SLC39A8: variants seen among roughly 807,000 people sequenced by gnomAD.
The protein encoded by SLC39A8 is metal cation symporter ZIP8.
Under a neutral mutation model 40.4 loss-of-function variants are expected in SLC39A8, and 15 were observed. The observed-to-expected ratio is 0.37, with a 90% CI of 0.25 to 0.57. SLC39A8 has a LOEUF of 0.57. Among genes scored for constraint, SLC39A8 ranks in the 20% least tolerant of loss-of-function variants. SLC39A8 has a pLI of 0.75. For missense variants in SLC39A8, 472 were observed against 558.8 expected (o/e 0.84, Z 1.57); for synonymous variants, 223 against 221.6 (o/e 1.01, Z -0.06).
At position 102,335,885 on chromosome 4, in the gene SLC39A8, T is replaced by C. The variant is rs1735644606; in HGVS notation, c.219+8559A>G. 2.6e-5 allele frequency among the ~76,000 whole-genome samples: 4 copies of C among 152,192 alleles called. No individual in the cohort carries two copies. The South Asian group carries it at 8.3e-4, about 31-fold the overall frequency. On this transcript the variant is annotated intron_variant, in intron 2 of 8. Coordinates refer to ENST00000356736, the MANE Select transcript of SLC39A8 (RefSeq NM_001135146.2). ...ACTGATCTTTTTTTTCATTAATTCT[T>C]GCTGTCTTTTCATGGCTGTGCTTTC...
chr4:102,282,506 G>T (rs1732937846), intron 6 of SLC39A8, among the ~76,000 whole-genome samples: 1 of 152,148 alleles, frequency 6.6e-6, no homozygotes, highest in Non-Finnish European at 1.5e-5. Context: ...TAGCTACTGA[G>T]AGTTGAAGAA....
chr4:102,291,576 A>G (rs976013104), intron 6 of SLC39A8, among the ~76,000 whole-genome samples: 2 of 152,070 alleles, frequency 1.3e-5, no homozygotes, highest in Non-Finnish European at 2.9e-5. Flanking sequence ...AAGAAGGTCC[A>G]ATATACTAGG....
chr4:102,304,219 A>G (rs1734035511), intron 6 of SLC39A8, 98 bp downstream of exon 6: 1 of 858,436 alleles, frequency 1.2e-6, no homozygotes, highest in Admixed American at 2.5e-5. Context: ...AGTCTGACAT[A>G]CATAAATGTA....
intron 6 of SLC39A8, among the ~76,000 whole-genome samples, chr4:102,278,839 G>C (rs979920062): frequency 5.3e-5 from 8 of 152,142 alleles, no homozygotes; most frequent in African/African-American, 1.9e-4. Flanking sequence ...GTCCTTTGCA[G>C]GGACATGGAT....
At chr4:102,319,411 G>A (rs1016540375) in intron 2 of SLC39A8, among the ~76,000 whole-genome samples, 2 of 152,124 alleles carry the variant, frequency 1.3e-5, no homozygotes, top group African/African-American at 4.8e-5. Flanking sequence ...GCTCCTCTGA[G>A]CCCAGGCCTC....
chr4:102,269,620 A>G (rs1732254585), intron 6 of SLC39A8: 1 of 152,258 alleles, frequency 6.6e-6, no homozygotes, highest in African/African-American at 2.4e-5. Flanking sequence ...AGGAAATTAA[A>G]GCACAAAAAG....
At chr4:102,312,785 A>C (rs1734488719) in intron 3 of SLC39A8, among the ~76,000 whole-genome samples, 1 of 152,140 alleles carries the variant, frequency 6.6e-6, no homozygotes, top group Non-Finnish European at 1.5e-5. Flanking sequence ...CCCATAAGAA[A>C]GGTACTATTT....
chr4:102,268,895 A>G (rs1020167663), intron 6 of SLC39A8, among the ~76,000 whole-genome samples: 3 of 152,230 alleles, frequency 2.0e-5, no homozygotes, highest in Admixed American at 6.5e-5. Context: ...CAACTAAAAC[A>G]CTTTCCAGAA....
chr4:102,338,188 T>TC (rs927815706), intron 2 of SLC39A8, among the ~76,000 whole-genome samples: 10 of 145,344 alleles, frequency 6.9e-5, no homozygotes, highest in Non-Finnish European at 1.2e-4. Context: ...TCTTATTTCT[T>TC]TTTTTTTTTT....
At position 102,315,700 on chromosome 4, in the gene SLC39A8, G is replaced by A. The variant is rs1468837798; in HGVS notation, c.350C>T (p.Pro117Leu). The change falls in exon 3 of 9, where the codon CCC (proline) becomes CTC (leucine). Residue 117 changes from proline to leucine, a missense_variant. Pro to Leu is a moderately conservative substitution (Grantham distance 98). This residue lies in a region of SLC39A8 where 175 missense variants were observed against 160.5 expected (regional missense o/e 1.09). Transcript: ENST00000356736. Reference sequence around the variant, plus strand: ...ATGACTTGGTCTTGTTTTGTGCTTGGGCCGATCCTCACATGGGTGAAAGTT... The same window carrying A: ...ATGACTTGGTCTTGTTTTGTGCTTGAGCCGATCCTCACATGGGTGAAAGTT... ...QLNFHPCEDRPKHKTRPSHSE... is the reference protein window; with the variant it reads ...QLNFHPCEDRLKHKTRPSHSE... 6.2e-7 allele frequency: 1 copy of A among 1,612,472 alleles called. No homozygotes were observed. Among genetic ancestry groups the A allele is most frequent in the East Asian group, 2.2e-5 (1 of 44,838 alleles).
intron 2 of SLC39A8, among the ~76,000 whole-genome samples, chr4:102,342,105 G>C (rs1735969390): frequency 6.6e-6 from 1 of 152,160 alleles, no homozygotes; most frequent in African/African-American, 2.4e-5. Context: ...CATGAATGTT[G>C]TGGGCTCAAG....
At chr4:102,316,921 A>C (rs1578608375) in intron 2 of SLC39A8, among the ~76,000 whole-genome samples, 1 of 152,188 alleles carries the variant, frequency 6.6e-6, no homozygotes, top group South Asian at 2.1e-4. Context: ...GAGCCTGCTC[A>C]CTTGCTCTTT....
At chr4:102,332,066 G>T (rs182144743) in intron 2 of SLC39A8, among the ~76,000 whole-genome samples, 4 of 152,184 alleles carry the variant, frequency 2.6e-5, no homozygotes, top group African/African-American at 9.6e-5. Flanking sequence ...AAAAACCCTA[G>T]AAGAAAACCT....
At chr4:102,293,699 C>CA (rs1733558074) in intron 6 of SLC39A8, among the ~76,000 whole-genome samples, 1 of 151,708 alleles carries the variant, frequency 6.6e-6, no homozygotes, top group Non-Finnish European at 1.5e-5. Context: ...ATTACCAAAC[C>CA]AAAAAATCTT....
At chr4:102,275,582 G>C (rs1732581899) in intron 6 of SLC39A8, among the ~76,000 whole-genome samples, 1 of 152,094 alleles carries the variant, frequency 6.6e-6, no homozygotes, top group African/African-American at 2.4e-5. Flanking sequence ...CAATGAGACA[G>C]AAAATTAACA....
chr4:102,274,263 T>C (rs2149010089), intron 6 of SLC39A8, among the ~76,000 whole-genome samples: 1 of 152,274 alleles, frequency 6.6e-6, no homozygotes, highest in East Asian at 1.9e-4. Flanking sequence ...ATAAATGATC[T>C]GATAAAGTCG....
intron 2 of SLC39A8, among the ~76,000 whole-genome samples, chr4:102,316,766 C>T (rs1370117323): frequency 6.6e-6 from 1 of 152,084 alleles, no homozygotes. Flanking sequence ...ATTATGTCTC[C>T]CCAGATTCAC....
intron 3 of SLC39A8, among the ~76,000 whole-genome samples, chr4:102,313,202 C>T (rs933810368): frequency 1.3e-5 from 2 of 152,110 alleles, no homozygotes; most frequent in Admixed American, 1.3e-4. Flanking sequence ...ACAACCTGGG[C>T]TGAATCTGGC....
At chr4:102,278,220 T>G (rs1732708301) in intron 6 of SLC39A8, among the ~76,000 whole-genome samples, 1 of 151,890 alleles carries the variant, frequency 6.6e-6, no homozygotes, top group Non-Finnish European at 1.5e-5. Flanking sequence ...TGGGAGAAAA[T>G]TTTTGCAATC....
Sources: allele counts gnomAD v4.1 joint callset (sites outside exome capture counted in the v4.1 genomes callset), GRCh38; gene constraint gnomAD v4.1.1; regional missense constraint gnomAD v4.1.1; transcripts MANE v1.5; gene names NCBI Gene and HGNC (gene_info 2026-07-23, HGNC 2026-07-21).